SDK1: variants seen among roughly 807,000 people sequenced by gnomAD.
The protein encoded by SDK1 is sidekick cell adhesion molecule 1.
SDK1 carries 157 observed loss-of-function variants against 245.5 expected under a neutral mutation model. That is an observed-to-expected ratio of 0.64 (90% confidence interval 0.56 to 0.73). The LOEUF (loss-of-function observed/expected upper bound fraction) is 0.73, where lower values mean the gene tolerates loss of function less well. Among genes scored for constraint, SDK1 ranks in the 30% least tolerant of loss-of-function variants. The pLI is 0.00. For missense variants in SDK1, 3,583 were observed against 3,002.3 expected, an observed-to-expected ratio of 1.19 and a Z score of -4.52; for synonymous variants, 1,647 against 1,278.5, an observed-to-expected ratio of 1.29 and a Z score of -6.15.
In SDK1 at chr7:3,301,834, G is replaced by A; in HGVS notation, c.248G>A (p.Trp83Ter). The A allele has an allele frequency of 8.9e-7, 1 of 1,125,084 alleles. No individual in the cohort carries two copies. The highest frequency in any genetic ancestry group is 4.5e-5 in the East Asian group (1 of 22,090). 69.7% of individuals were successfully genotyped at this position (1,125,084 alleles called of 1,614,324 possible). Residue 83 changes from tryptophan to a stop codon, truncating the protein, a stop_gained, in exon 1 of 45, where the codon TGG becomes TAG. Coordinates refer to ENST00000404826, the MANE Select transcript of SDK1 (RefSeq NM_152744.4). LOFTEE classifies it high-confidence loss of function. ...AAKLGPGRRGWWALLALQLHL... is the reference protein window; with the variant it reads ...AAKLGPGRRG The stretch of plus-strand genomic sequence containing the variant: ...AAGTTGGGGCCGGGCCGCCGCGGCT[G>A]GTGGGCGCTGCTGGCGCTGCAGCTG...
At chr7:3,504,082 A>C (rs1782307484) in intron 1 of SDK1, among the ~76,000 whole-genome samples, 2 of 151,334 alleles carry the variant, frequency 1.3e-5, no homozygotes, top group South Asian at 4.2e-4. Flanking sequence ...CCCGGGAGGC[A>C]GAGGTTGTAG....
At chr7:3,660,917 T>C (rs535638447) in intron 4 of SDK1, among the ~76,000 whole-genome samples, 1 of 152,240 alleles carries the variant, frequency 6.6e-6, no homozygotes, top group Non-Finnish European at 1.5e-5. Flanking sequence ...TTATGTCCTT[T>C]GGTGATATGT....
chr7:3,345,612 A>G, intron 1 of SDK1, among the ~76,000 whole-genome samples: 1 of 152,154 alleles, frequency 6.6e-6, no homozygotes, highest in Non-Finnish European at 1.5e-5. Flanking sequence ...GAGTATAGTA[A>G]CATATCAGGG....
intron 4 of SDK1, among the ~76,000 whole-genome samples, chr7:3,647,577 C>A (rs1782889427): frequency 2.0e-5 from 3 of 152,084 alleles, no homozygotes; most frequent in Admixed American, 6.6e-5. Flanking sequence ...CAGGCGTGCG[C>A]CACTATGCCT....
chr7:3,760,691 G>A (rs1352987799), intron 4 of SDK1, among the ~76,000 whole-genome samples: 1 of 152,196 alleles, frequency 6.6e-6, no homozygotes, highest in Non-Finnish European at 1.5e-5. Context: ...TGGATGTGGT[G>A]TTTGGGATTG....
At chr7:3,723,976 AGAAAG>A (rs1778929700) in intron 4 of SDK1, among the ~76,000 whole-genome samples, 1 of 147,052 alleles carries the variant, frequency 6.8e-6, no homozygotes, top group African/African-American at 2.6e-5. Flanking sequence ...AGAGAGAGAG[AGAAAG>A]AGAGAGAGAG....
At chr7:3,728,736 G>C (rs909532681) in intron 4 of SDK1, among the ~76,000 whole-genome samples, 1 of 152,144 alleles carries the variant, frequency 6.6e-6, no homozygotes, top group African/African-American at 2.4e-5. Flanking sequence ...CTCCCAAGTA[G>C]CTGGGATTAC....
chr7:4,027,543 C>T (rs1399833753), intron 17 of SDK1, among the ~76,000 whole-genome samples: 2 of 152,200 alleles, frequency 1.3e-5, no homozygotes, highest in Non-Finnish European at 2.9e-5. Context: ...CTCCTAATAT[C>T]AGTTTATTAA....
chr7:4,108,632 C>T (rs115896034), intron 22 of SDK1, among the ~76,000 whole-genome samples: 55 of 152,260 alleles, frequency 3.6e-4, no homozygotes, highest in South Asian at 1.0e-3. Flanking sequence ...ATATTTTGGC[C>T]GGTCATTCTA....
chr7:3,366,947 G>A (rs1781108861), intron 1 of SDK1, among the ~76,000 whole-genome samples: 1 of 151,782 alleles, frequency 6.6e-6, no homozygotes, highest in African/African-American at 2.4e-5. Flanking sequence ...TTACCATGTT[G>A]GCCAGGATGG....
intron 5 of SDK1, among the ~76,000 whole-genome samples, chr7:3,949,223 G>A (rs1292209722): frequency 1.3e-5 from 2 of 152,194 alleles, no homozygotes; most frequent in Non-Finnish European, 2.9e-5. Context: ...ACCCAGGGCT[G>A]GGTGAGAGTC....
At chr7:3,910,954 A>G (rs949904829) in intron 5 of SDK1, among the ~76,000 whole-genome samples, 1 of 152,052 alleles carries the variant, frequency 6.6e-6, no homozygotes, top group Admixed American at 6.5e-5. Context: ...CCCCAAGCTC[A>G]GGCGTGCTGC....
chr7:3,805,450 C>G (rs1779218534), intron 4 of SDK1, among the ~76,000 whole-genome samples: 1 of 152,194 alleles, frequency 6.6e-6, no homozygotes, highest in African/African-American at 2.4e-5. Flanking sequence ...ATGACGTAGT[C>G]TTTGCTTTCT....
intron 4 of SDK1, among the ~76,000 whole-genome samples, chr7:3,808,322 G>A (rs1779300984): frequency 6.6e-6 from 1 of 152,202 alleles, no homozygotes; most frequent in Non-Finnish European, 1.5e-5. Context: ...TGAGTGAGGA[G>A]CAGATGGAGG....
At chr7:3,919,693 T>A (rs1779521589) in intron 5 of SDK1, among the ~76,000 whole-genome samples, 1 of 152,200 alleles carries the variant, frequency 6.6e-6, no homozygotes, top group Non-Finnish European at 1.5e-5. Context: ...GTTGCTCTAC[T>A]GGGCCCTGTG....
At chr7:4,080,683 A>G (rs1225885702) in intron 22 of SDK1, among the ~76,000 whole-genome samples, 3 of 152,114 alleles carry the variant, frequency 2.0e-5, no homozygotes, top group East Asian at 3.9e-4. Flanking sequence ...CCTACCTCAC[A>G]TCATCACACA....
In SDK1 at chr7:3,619,241, T is replaced by A; in HGVS notation, c.458+2T>A. The A allele has an allele frequency of 6.3e-7, 1 of 1,595,616 alleles. No homozygotes were observed. The highest frequency in any genetic ancestry group is 8.6e-7 in the Non-Finnish European group (1 of 1,164,448). On this transcript the variant is annotated splice_donor_variant, in intron 2 of 44. Coordinates refer to ENST00000404826, the MANE Select transcript of SDK1 (RefSeq NM_152744.4). LOFTEE classifies it high-confidence loss of function. ...CACCACCTACAGCAGCGAATATAAG[T>A]AATTGATCGCTTGAAAAAATAAGAT...
intron 5 of SDK1, among the ~76,000 whole-genome samples, chr7:3,832,738 G>A (rs188293163): frequency 1.9e-4 from 29 of 152,096 alleles, no homozygotes; most frequent in African/African-American, 6.8e-4. Context: ...TGAGTTCTTC[G>A]CAATAGTCTC....
intron 40 of SDK1, among the ~76,000 whole-genome samples, chr7:4,228,153 C>T (rs1384331854): frequency 6.6e-6 from 1 of 152,148 alleles, no homozygotes. Context: ...CTGAGGTGGA[C>T]AGGATTGGAG....
Sources: allele counts gnomAD v4.1 joint callset (sites outside exome capture counted in the v4.1 genomes callset), GRCh38; gene constraint gnomAD v4.1.1; transcripts MANE v1.5; gene names NCBI Gene and HGNC (gene_info 2026-07-23, HGNC 2026-07-21).